PIK3C2B: variants seen among roughly 807,000 people sequenced by gnomAD.
PIK3C2B encodes phosphatidylinositol 4-phosphate 3-kinase C2 domain-containing subunit beta.
Under a neutral mutation model 184.3 loss-of-function variants are expected in PIK3C2B, and 83 were observed. The ratio of observed to expected loss-of-function variants is 0.45; its 90% CI spans 0.38 to 0.54. The LOEUF is 0.54. Ranked by LOEUF, PIK3C2B falls within the 20% of genes least tolerant of loss-of-function variation. The probability of loss-of-function intolerance (pLI) is 0.00; values close to 1 mark genes in which losing one functional copy is unlikely to be tolerated. For missense variants in PIK3C2B, 1,736 were observed against 2,113.5 expected (o/e 0.82, Z 3.50); for synonymous variants, 779 against 837.6 (o/e 0.93, Z 1.21).
chr1:204,460,159 T>C (rs1418598544), intron 7 of PIK3C2B, among the ~76,000 whole-genome samples, 165 bp downstream of exon 7: 3 of 152,156 alleles, frequency 2.0e-5, no homozygotes, highest in Non-Finnish European at 4.4e-5. Flanking sequence ...AGGGAAGAAA[T>C]GAAACATGCC....
chr1:204,458,494 A>ATTTTTTTTTTTTTTTTTTTTTT (rs1158541930), intron 8 of PIK3C2B, among the ~76,000 whole-genome samples: 1 of 142,118 alleles, frequency 7.0e-6, no homozygotes, highest in African/African-American at 2.6e-5. Flanking sequence ...GGCTATGACA[A>ATTTTTTTTTTTTTTTTTTTTTT]TTTTTTTTTT....
intron 2 of PIK3C2B, chr1:204,466,904 G>A (rs762293746): frequency 1.1e-5 from 6 of 533,272 alleles, no homozygotes; most frequent in South Asian, 7.0e-5. Context: ...CGCTGGCCTG[G>A]GATAAGGAGG....
chr1:204,441,522 G>C lies in PIK3C2B; in HGVS notation c.3198C>G (p.Leu1066=). Residue 1066 remains leucine (L), a synonymous_variant, in exon 21 of 33, where the codon CTC becomes CTG. Coordinates refer to ENST00000684373, the MANE Select transcript of PIK3C2B (RefSeq NM_001377334.1). ...CCAGGGGATCCACATTTTGGAAGGA[G>C]AGTTTGAGGGGGACAGCATTGGAGT... ...YFNSNAVPLK[L]SFQNVDPLGE... 6 of 1,613,448 alleles carry C rather than the reference G, an allele frequency of 3.7e-6. No individual in the cohort carries two copies. Among genetic ancestry groups the C allele is most frequent in the Middle Eastern group, 1.7e-4 (1 of 6,056 alleles).
intron 1 of PIK3C2B, among the ~76,000 whole-genome samples, chr1:204,492,459 A>G (rs1238314590): frequency 2.0e-5 from 3 of 152,068 alleles, no homozygotes; most frequent in African/African-American, 7.2e-5. Flanking sequence ...AGGAACAGAG[A>G]CCTCATTTTT....
chr1:204,440,357 C>T (rs201276062), intron 21 of PIK3C2B, 36 bp from the exon 22 acceptor site: 16 of 1,536,714 alleles, frequency 1.0e-5, no homozygotes, highest in Non-Finnish European at 1.4e-5. Flanking sequence ...ATCTAATCTC[C>T]ACTACCTCCC....
In PIK3C2B at chr1:204,456,202, C is replaced by A. The variant is rs146917131; in HGVS notation, c.1748-151G>T. 9.7e-6 allele frequency: 5 copies of A among 517,402 alleles called. No individual in the cohort carries two copies. In the South Asian group the frequency reaches 1.9e-4, roughly 20 times the overall value. The allele number at this position is 517,402 out of a possible 1,614,324, so 32.1% of individuals were successfully genotyped here. A position where few individuals can be genotyped will look rare whatever the true frequency, so the allele number is the denominator to read the frequency against. ...AGCTGTGACAAAGTTCACCCATCTG[C>A]GGTAAAATGAGAAAAAAGCAGAAGC... On this transcript the variant is annotated intron_variant, in intron 10 of 32. Coordinates refer to ENST00000684373, the MANE Select transcript of PIK3C2B (RefSeq NM_001377334.1).
intron 30 of PIK3C2B, 40 bp downstream of exon 30, chr1:204,428,099 C>G: frequency 8.3e-7 from 1 of 1,207,790 alleles, no homozygotes; most frequent in South Asian, 1.2e-5. Flanking sequence ...TGGGGTAGTT[C>G]AGAGGAGTTG....
At chr1:204,444,620 C>T (rs3014633) in intron 16 of PIK3C2B, among the ~76,000 whole-genome samples, 196 bp from the exon 17 acceptor site, 102,175 of 151,926 alleles carry the variant, frequency 0.67, 36,491 homozygotes, top group Non-Finnish European at 0.81. Context: ...TCCTCACGGT[C>T]AGAGTCTGCC....
chr1:204,469,014 C>A lies in PIK3C2B; in HGVS notation c.789G>T (p.Leu263=). 1 of 1,614,194 alleles carries A rather than the reference C, an allele frequency of 6.2e-7. No individual in the cohort carries two copies. Among genetic ancestry groups the A allele is most frequent in the Non-Finnish European group, 8.5e-7 (1 of 1,180,038 alleles). Residue 263 remains leucine, a synonymous_variant, in exon 2 of 33, where the codon CTG becomes CTT. Coordinates refer to ENST00000684373, the MANE Select transcript of PIK3C2B (RefSeq NM_001377334.1). ...TRGWKEGRGP[L]DFSKDTSGKP... Reference sequence around the variant, plus strand: ...TTCCAGAGGTGTCTTTGCTGAAGTCCAGCGGCCCTCGGCCCTCCTTCCAGC... The same window carrying A: ...TTCCAGAGGTGTCTTTGCTGAAGTCAAGCGGCCCTCGGCCCTCCTTCCAGC...
chr1:204,431,456 C>A, intron 28 of PIK3C2B: 1 of 592,106 alleles, frequency 1.7e-6, no homozygotes, highest in Non-Finnish European at 3.0e-6. Flanking sequence ...TCCTTTCTGG[C>A]CAGTGGGCCT....
At chr1:204,452,976 C>CT (rs1654503812) in intron 12 of PIK3C2B, among the ~76,000 whole-genome samples, 2 of 152,084 alleles carry the variant, frequency 1.3e-5, no homozygotes, top group Admixed American at 1.3e-4. Flanking sequence ...ACCTTTATTG[C>CT]TCTAAGAATT....
rs77919369 is a variant in PIK3C2B at position 204,423,447 on chromosome 1, C to CA, written c.*1404dup. 0.3 allele frequency: 31,560 copies of CA among 103,772 alleles called. 5,248 individuals carry two copies. Among genetic ancestry groups the CA allele is most frequent in the East Asian group, 0.69 (2,935 of 4,262 alleles). The allele number at this position is 103,772 out of a possible 1,614,324, so 6.4% of individuals were successfully genotyped here. On this transcript the variant is annotated 3_prime_UTR_variant, in exon 33 of 33. Transcript: ENST00000684373. ...TGGCGACAGGGCGAGACTCCGTCTC[C>CA]AAAAAAAAAAAAAAAAATCCATCTG...
chr1:204,470,013 T>G (rs1656169962), intron 1 of PIK3C2B, 127 bp from the exon 2 acceptor site: 2 of 578,010 alleles, frequency 3.5e-6, no homozygotes, highest in Non-Finnish European at 3.1e-6. Context: ...ACTAATGGAA[T>G]GTACAGGAAG....
chr1:204,461,888 C>A (rs1430144745), intron 5 of PIK3C2B, among the ~76,000 whole-genome samples: 1 of 152,128 alleles, frequency 6.6e-6, no homozygotes, highest in African/African-American at 2.4e-5. Context: ...TCAGTATCAG[C>A]CCCTCCTGCC....
At chr1:204,484,254 TG>T (rs1168595158) in intron 1 of PIK3C2B, among the ~76,000 whole-genome samples, 2 of 152,220 alleles carry the variant, frequency 1.3e-5, no homozygotes, top group African/African-American at 2.4e-5. Context: ...TCCTTAAATG[TG>T]GATGTTATCA....
intron 1 of PIK3C2B, among the ~76,000 whole-genome samples, chr1:204,483,819 T>C (rs1196725643): frequency 1.3e-5 from 2 of 152,168 alleles, no homozygotes; most frequent in Admixed American, 6.5e-5. Flanking sequence ...TGGCACAGTA[T>C]AGCATGCTCA....
At position 204,464,091 on chromosome 1, in the gene PIK3C2B, A is replaced by G. The variant is rs758671046; in HGVS notation, c.1231T>C (p.Tyr411His). 2 of 1,614,148 alleles carry G rather than the reference A, an allele frequency of 1.2e-6. No homozygotes were observed. The highest frequency in any genetic ancestry group is 1.7e-6 in the Non-Finnish European group (2 of 1,179,966). The change falls in exon 5 of 33, where the codon TAC becomes CAC. Residue 411 changes from tyrosine (Y) to histidine (H), a missense_variant. Physicochemically the swap from Tyr to His is moderately conservative, Grantham distance 83. This residue lies in a region of PIK3C2B where 609 missense variants were observed against 699.2 expected (regional missense o/e 0.87). Coordinates refer to ENST00000684373, the MANE Select transcript of PIK3C2B (RefSeq NM_001377334.1). ...VDLLIYQTLC[Y>H]THDDLRNVDV... ...ACATTCCTCAGGTCATCATGGGTGTAGCACAGGGTCTGGTAGATAAGCAAG... is the reference window on the plus strand; with the variant it reads ...ACATTCCTCAGGTCATCATGGGTGTGGCACAGGGTCTGGTAGATAAGCAAG...
chr1:204,434,761 A>G (rs1459225068), intron 23 of PIK3C2B, among the ~76,000 whole-genome samples, 153 bp from the exon 24 acceptor site: 2 of 152,216 alleles, frequency 1.3e-5, no homozygotes, highest in South Asian at 2.1e-4. Context: ...ATCCTTCATC[A>G]TGTACTAACT....
At chr1:204,456,975 C>T (rs775953943) in intron 10 of PIK3C2B, 62 bp downstream of exon 10, 27 of 1,414,092 alleles carry the variant, frequency 1.9e-5, no homozygotes, top group Non-Finnish European at 2.6e-5. Context: ...AAAAAGGAAT[C>T]GGGGCAGAGA....
Sources: gnomAD v4.1 joint callset for allele counts (sites outside exome capture counted in the v4.1 genomes callset) on GRCh38, gnomAD v4.1.1 for gene constraint, gnomAD v4.1.1 regional missense constraint, MANE v1.5 for transcripts, NCBI Gene and HGNC (gene_info 2026-07-23, HGNC 2026-07-21) for gene names.